Variants in RTN1 observed in about 807,000 individuals in gnomAD.
RTN1 encodes the protein reticulon-1.
RTN1 carries 25 observed loss-of-function variants against 65.5 expected under a neutral mutation model. That is an observed-to-expected ratio of 0.38 (90% CI 0.28 to 0.53). The LOEUF (loss-of-function observed/expected upper bound fraction) is 0.53. Ranked by LOEUF, RTN1 falls within the 20% of genes least tolerant of loss-of-function variation. The probability of loss-of-function intolerance (pLI) is 0.79; values close to 1 mark genes in which losing one functional copy is unlikely to be tolerated. For missense variants in RTN1, 983 were observed against 1,025.4 expected, an observed-to-expected ratio of 0.96 and a Z score of 0.57; for synonymous variants, 471 against 447.6, an observed-to-expected ratio of 1.05 and a Z score of -0.66.
intron 1 of RTN1, among the ~76,000 whole-genome samples, chr14:59,834,305 A>C (rs750444556): frequency 2.6e-5 from 4 of 152,200 alleles, no homozygotes; most frequent in African/African-American, 7.2e-5. Flanking sequence ...GGTTAGGCAA[A>C]GATTTCTTAG....
At chr14:59,728,038 G>A (rs1199299503) in intron 2 of RTN1, among the ~76,000 whole-genome samples, 1 of 152,090 alleles carries the variant, frequency 6.6e-6, no homozygotes, top group Non-Finnish European at 1.5e-5. Flanking sequence ...CATTCTCTCA[G>A]GGAACTTTTT....
chr14:59,788,922 T>TAA (rs1246141788), intron 1 of RTN1, among the ~76,000 whole-genome samples: 3 of 152,150 alleles, frequency 2.0e-5, no homozygotes, highest in African/African-American at 7.2e-5. Flanking sequence ...AAAATTAACC[T>TAA]CTTTATTTTA....
intron 3 of RTN1, among the ~76,000 whole-genome samples, chr14:59,680,005 T>C (rs903398192): frequency 2.6e-5 from 4 of 152,162 alleles, no homozygotes; most frequent in African/African-American, 9.7e-5. Flanking sequence ...CTCTACAACA[T>C]AGCAACAATG....
intron 1 of RTN1, among the ~76,000 whole-genome samples, chr14:59,841,328 G>C (rs1887307451): frequency 6.6e-6 from 1 of 152,120 alleles, no homozygotes; most frequent in African/African-American, 2.4e-5. Context: ...TTTAAGCTCA[G>C]TCATATCTAT....
At chr14:59,827,228 G>A (rs955613655) in intron 1 of RTN1, among the ~76,000 whole-genome samples, 2 of 152,044 alleles carry the variant, frequency 1.3e-5, no homozygotes, top group Non-Finnish European at 2.9e-5. Context: ...ACAGGCGCCC[G>A]CCACCACGCC....
chr14:59,746,473 C>A lies in RTN1; in HGVS notation c.250G>T (p.Gly84Cys). Residue 84 changes from glycine (G) to cysteine (C), a missense_variant, in exon 2 of 9, where the codon GGT (glycine) becomes TGT (cysteine). By Grantham distance (159) the Gly-to-Cys change is radical (BLOSUM62 -3). Transcript: ENST00000267484. The part of the protein sequence containing the change: ...AMETASTGVA[G>C]VSSAMDHTFS... ...GTGTGGTCCATGGCACTGGAAACAC[C>A]TGCCACACCTATGAATCAAAGCAGC... 6.3e-7 allele frequency: 1 copy of A among 1,580,180 alleles called. No homozygotes were observed. Among genetic ancestry groups the A allele is most frequent in the Non-Finnish European group, 8.6e-7 (1 of 1,164,890 alleles).
Position 59,766,227 on chromosome 14 carries a change from CA to C in RTN1, c.242-19747del, listed in dbSNP as rs11355109. ...CCTGGGTGACAGAGTGAGACGCTGT[CA>C]AAAAAAAAAAATTCATTAACAATTA... is the stretch of plus-strand genomic sequence containing the variant. On this transcript the variant is annotated intron_variant, in intron 1 of 8. Transcript: ENST00000267484. The surrounding 1 kb of genome is among the most constrained non-coding windows in gnomAD (Gnocchi z 4.4). 0.18 allele frequency among the ~76,000 whole-genome samples: 26,722 copies of C among 147,664 alleles called. 2,961 individuals are homozygous for C. Among genetic ancestry groups the C allele is most frequent in the African/African-American group, 0.32 (12,780 of 40,530 alleles).
chr14:59,620,416 G>C (rs1393109023), intron 3 of RTN1, among the ~76,000 whole-genome samples: 1 of 152,064 alleles, frequency 6.6e-6, no homozygotes, highest in Non-Finnish European at 1.5e-5. Context: ...TGTGAAACGG[G>C]GCTAGTCCCA....
chr14:59,678,625 G>A (rs1018098702), intron 3 of RTN1, among the ~76,000 whole-genome samples: 1 of 152,194 alleles, frequency 6.6e-6, no homozygotes, highest in African/African-American at 2.4e-5. Flanking sequence ...GACCTCAAGA[G>A]CTGAAGGTTC....
intron 5 of RTN1, chr14:59,604,398 T>C (rs1881677151): frequency 6.5e-6 from 1 of 154,182 alleles, no homozygotes; most frequent in Non-Finnish European, 1.4e-5. Context: ...GTGCCACAGA[T>C]GGTGTGGCTT....
intron 1 of RTN1, among the ~76,000 whole-genome samples, chr14:59,823,254 T>C (rs1886974362): frequency 6.6e-6 from 1 of 152,320 alleles, no homozygotes; most frequent in South Asian, 2.1e-4. Context: ...TTTGTCATTA[T>C]GTAATGTCCT....
chr14:59,759,996 C>A (rs940010470), intron 1 of RTN1, among the ~76,000 whole-genome samples: 1 of 152,122 alleles, frequency 6.6e-6, no homozygotes, highest in Non-Finnish European at 1.5e-5. Flanking sequence ...GAACCAGCAA[C>A]CTTCTTACAG....
At chr14:59,601,199 T>C (rs150255998) in intron 8 of RTN1, among the ~76,000 whole-genome samples, 1 of 152,324 alleles carries the variant, frequency 6.6e-6, no homozygotes, top group Non-Finnish European at 1.5e-5. Context: ...CTGTTGCCTA[T>C]TAAACATGAC....
intron 1 of RTN1, among the ~76,000 whole-genome samples, chr14:59,784,854 G>A (rs551911333): frequency 1.3e-5 from 2 of 152,146 alleles, no homozygotes; most frequent in Admixed American, 6.5e-5. Flanking sequence ...TTCTATTATA[G>A]GGAAGACAGG....
At chr14:59,732,744 G>A (rs1234072067) in intron 2 of RTN1, among the ~76,000 whole-genome samples, 1 of 152,190 alleles carries the variant, frequency 6.6e-6, no homozygotes, top group African/African-American at 2.4e-5. Context: ...CAACAAATAT[G>A]CCTGCAACTT....
chr14:59,869,656 G>A (rs1237546523), intron 1 of RTN1, among the ~76,000 whole-genome samples: 1 of 150,718 alleles, frequency 6.6e-6, no homozygotes, highest in Non-Finnish European at 1.5e-5. Context: ...CCAACCCACA[G>A]CCAGGCCCGC....
chr14:59,865,910 AT>A (rs1887789960), intron 1 of RTN1, among the ~76,000 whole-genome samples: 2 of 152,314 alleles, frequency 1.3e-5, no homozygotes, highest in Admixed American at 1.3e-4. Context: ...GAGATAGATG[AT>A]AGAAATAAAG....
chr14:59,754,473 T>C (rs1885596186), intron 1 of RTN1, among the ~76,000 whole-genome samples: 1 of 152,174 alleles, frequency 6.6e-6, no homozygotes, highest in Non-Finnish European at 1.5e-5. Flanking sequence ...TGGTGATCCA[T>C]AGCTTAGGCA....
chr14:59,843,024 A>G (rs563922152), intron 1 of RTN1, among the ~76,000 whole-genome samples: 7 of 152,324 alleles, frequency 4.6e-5, no homozygotes, highest in African/African-American at 1.7e-4. Context: ...TTCACAAAAT[A>G]TGTTCAAGAA....
Sources: gnomAD v4.1 joint callset for allele counts (sites outside exome capture counted in the v4.1 genomes callset) on GRCh38, gnomAD v4.1.1 for gene constraint, Gnocchi (gnomAD v3.1) non-coding constraint, MANE v1.5 for transcripts, NCBI Gene and HGNC (gene_info 2026-07-23, HGNC 2026-07-21) for gene names.